GDPGP1: variants seen among roughly 807,000 people sequenced by gnomAD.
GDPGP1 encodes GDP-D-glucose phosphorylase 1.
In GDPGP1, 18 loss-of-function variants were observed where a neutral mutation model predicts 19.2. The observed-to-expected ratio is 0.94, with a 90% CI of 0.65 to 1.39. The LOEUF is 1.39. Among genes scored for constraint, GDPGP1 ranks in the 40% most tolerant of loss-of-function variants. The probability of loss-of-function intolerance (pLI) is 0.00; values close to 1 mark genes in which losing one functional copy is unlikely to be tolerated. For missense variants in GDPGP1, 449 were observed against 490.5 expected, an observed-to-expected ratio of 0.92 and a Z score of 0.80; for synonymous variants, 219 against 208.9, an observed-to-expected ratio of 1.05 and a Z score of -0.42.
At position 90,243,472 on chromosome 15, in the gene GDPGP1, G is replaced by C. The variant is rs1283006013; in HGVS notation, c.*1406G>C. 5 of 150,430 alleles carry C rather than the reference G, an allele frequency of 3.3e-5. No homozygotes were observed. The highest frequency in any genetic ancestry group is 1.2e-4 in the African/African-American group (5 of 40,786). The allele number at this position is 150,430 out of a possible 1,614,324, so 9.3% of individuals were successfully genotyped here. A position where few individuals can be genotyped will look rare whatever the true frequency, so the allele number is the denominator to read the frequency against. On this transcript the variant is annotated 3_prime_UTR_variant, in exon 4 of 4. Coordinates refer to ENST00000329600, the MANE Select transcript of GDPGP1 (RefSeq NM_001013657.3). Reference sequence around the variant, plus strand: ...AGCCACCCTCCCACCTCAGCCCCCTGAGTAGCTGGGACGATAGGTGTGCAC... The same window carrying C: ...AGCCACCCTCCCACCTCAGCCCCCTCAGTAGCTGGGACGATAGGTGTGCAC...
At position 90,242,138 on chromosome 15, in the gene GDPGP1, A is replaced by T; in HGVS notation, c.*72A>T. ...GGGTCTCACTCTGTCCCCAGGCTAG[A>T]GTGTAGTGGTATGATCCTGGCTCAC... On this transcript the variant is annotated 3_prime_UTR_variant, in exon 4 of 4. Coordinates refer to ENST00000329600, the MANE Select transcript of GDPGP1 (RefSeq NM_001013657.3). The T allele has an allele frequency of 8.0e-7, 1 of 1,256,758 alleles. No homozygotes were observed. The highest frequency in any genetic ancestry group is 2.5e-5 in the Admixed American group (1 of 40,442). The allele number at this position is 1,256,758 out of a possible 1,614,324, so 77.9% of individuals were successfully genotyped here. A position where few individuals can be genotyped will look rare whatever the true frequency, so the allele number is the denominator to read the frequency against.
rs1432785781 is a variant in GDPGP1, at chr15:90,242,713, C to G, written c.*647C>G. 2 of 152,550 alleles carry G rather than the reference C, an allele frequency of 1.3e-5. No homozygotes were observed. Among genetic ancestry groups the G allele is most frequent in the Admixed American group, 1.3e-4 (2 of 15,276 alleles). The allele number at this position is 152,550 out of a possible 1,614,324, so 9.4% of individuals were successfully genotyped here. A position where few individuals can be genotyped will look rare whatever the true frequency, so the allele number is the denominator to read the frequency against. On this transcript the variant is annotated 3_prime_UTR_variant, in exon 4 of 4. Coordinates refer to ENST00000329600, the MANE Select transcript of GDPGP1 (RefSeq NM_001013657.3). ...CCGCCCGCCTCGGCCTCCCAAAGTG[C>G]TGGGATTACAGGCGTGAGCCACCAC...
In GDPGP1 at chr15:90,241,291, A is replaced by T. The variant is rs756394524; in HGVS notation, c.383A>T (p.Lys128Met). The change falls in exon 4 of 4, where the codon AAG (lysine) becomes ATG (methionine). Residue 128 changes from lysine to methionine, a missense_variant. Coordinates refer to ENST00000329600, the MANE Select transcript of GDPGP1 (RefSeq NM_001013657.3). ...GACCCTGTACAGTTCAACTTCAACA[A>T]GATCCGGCCCGGAGAAGTCCTCTTC... The part of the protein sequence containing the change: ...AFDPVQFNFN[K>M]IRPGEVLFRL... 1.2e-6 allele frequency: 2 copies of T among 1,614,180 alleles called. No individual in the cohort carries two copies. Among genetic ancestry groups the T allele is most frequent in the South Asian group, 1.1e-5 (1 of 91,078 alleles).
intron 3 of GDPGP1, among the ~76,000 whole-genome samples, chr15:90,238,967 T>C (rs1962690753): frequency 6.6e-6 from 1 of 152,158 alleles, no homozygotes; most frequent in Non-Finnish European, 1.5e-5. Context: ...ACCTGAGCCA[T>C]GGACCTACTC....
intron 3 of GDPGP1, among the ~76,000 whole-genome samples, chr15:90,238,833 A>G (rs1194047763): frequency 2.0e-5 from 3 of 152,102 alleles, no homozygotes; most frequent in African/African-American, 7.2e-5. Flanking sequence ...CTCAGGTATG[A>G]TTTTCTGGAG....
chr15:90,243,830 T>C lies in GDPGP1; in HGVS notation c.*1764T>C, dbSNP rs34648976. 0.25 allele frequency: 37,327 copies of C among 150,576 alleles called. 6,605 individuals carry two copies. The highest frequency in any genetic ancestry group is 0.5 in the African/African-American group (20,529 of 40,836). The allele number at this position is 150,576 out of a possible 1,614,324, so 9.3% of individuals were successfully genotyped here. A position where few individuals can be genotyped will look rare whatever the true frequency, so the allele number is the denominator to read the frequency against. Reference sequence around the variant, plus strand: ...ACACCCGGCTATTTTTTTGGAGAGATAGCATCTTGCCAAGTTGCCCAGGCT... The same window carrying C: ...ACACCCGGCTATTTTTTTGGAGAGACAGCATCTTGCCAAGTTGCCCAGGCT... On this transcript the variant is annotated 3_prime_UTR_variant, in exon 4 of 4. Coordinates refer to ENST00000329600, the MANE Select transcript of GDPGP1 (RefSeq NM_001013657.3).
At position 90,242,121 on chromosome 15, in the gene GDPGP1, C is replaced by A. The variant is rs1962776897; in HGVS notation, c.*55C>A. On this transcript the variant is annotated 3_prime_UTR_variant, in exon 4 of 4. Coordinates refer to ENST00000329600, the MANE Select transcript of GDPGP1 (RefSeq NM_001013657.3). The stretch of plus-strand genomic sequence containing the variant: ...TCTTTTCTTTTGAGATAGGGTCTCA[C>A]TCTGTCCCCAGGCTAGAGTGTAGTG... The A allele has an allele frequency of 3.5e-6, 5 of 1,415,164 alleles. No individual in the cohort carries two copies. The highest frequency in any genetic ancestry group is 4.8e-6 in the Non-Finnish European group (5 of 1,036,336). 87.7% of individuals were successfully genotyped at this position (1,415,164 alleles called of 1,614,324 possible). A position where few individuals can be genotyped will look rare whatever the true frequency, so the allele number is the denominator to read the frequency against.
chr15:90,238,899 A>C (rs1385521397), intron 3 of GDPGP1, among the ~76,000 whole-genome samples: 2 of 152,306 alleles, frequency 1.3e-5, no homozygotes, highest in South Asian at 2.1e-4. Flanking sequence ...AGACCACCTG[A>C]ACAGCATAGC....
Position 90,234,252 on chromosome 15 carries a change from G to T in GDPGP1, c.-182G>T, listed in dbSNP as rs564860795. On this transcript the variant is annotated 5_prime_UTR_variant, in exon 1 of 4. Coordinates refer to ENST00000329600, the MANE Select transcript of GDPGP1 (RefSeq NM_001013657.3). The stretch of plus-strand genomic sequence containing the variant: ...ATGACCTCGCTGTGGCCCCGGCAGC[G>T]GCTGCGGGGAAAGTCGCGAGGTGCA... 1.4e-3 allele frequency: 317 copies of T among 221,106 alleles called. 1 individual carries two copies. The highest frequency in any genetic ancestry group is 6.7e-3 in the African/African-American group (296 of 43,910). The allele number at this position is 221,106 out of a possible 1,614,324, so 13.7% of individuals were successfully genotyped here. A position where few individuals can be genotyped will look rare whatever the true frequency, so the allele number is the denominator to read the frequency against.
Position 90,241,432 on chromosome 15 carries a change from G to C in GDPGP1, c.524G>C (p.Arg175Pro), listed in dbSNP as rs543564025. The C allele has an allele frequency of 1.2e-6, 2 of 1,613,448 alleles. No homozygotes were observed. The highest frequency in any genetic ancestry group is 2.2e-5 in the East Asian group (1 of 44,874). ...GHVLLVPEPA[R>P]QLPQRLLPGA... is the part of the protein sequence containing the mutation. ...GTGCTGCTGGTGCCTGAGCCTGCCC[G>C]CCAGCTCCCCCAGCGCCTGCTGCCG... Residue 175 changes from arginine to proline, a missense_variant, in exon 4 of 4, where the codon CGC (arginine) becomes CCC (proline). Transcript: ENST00000329600.
chr15:90,235,441 G>C (rs935635910), intron 2 of GDPGP1, among the ~76,000 whole-genome samples: 3 of 152,018 alleles, frequency 2.0e-5, no homozygotes, highest in Non-Finnish European at 1.5e-5. Flanking sequence ...TTAAACCTGG[G>C]AGCTGGAGGT....
chr15:90,236,258 G>A (rs1465244362), intron 2 of GDPGP1: 7 of 152,132 alleles, frequency 4.6e-5, no homozygotes, highest in South Asian at 2.1e-4. Flanking sequence ...GGCTTGTCTC[G>A]AACTCCCAAC....
rs192547164 is a variant in GDPGP1 at position 90,239,291 on chromosome 15, A to G, written c.-10+743A>G. Among the ~76,000 whole-genome samples, 458 of 145,998 alleles carry G rather than the reference A, an allele frequency of 3.1e-3. 4 individuals are homozygous for G. Among genetic ancestry groups the G allele is most frequent in the African/African-American group, 0.011 (442 of 38,858 alleles). ...TTTAGAAAGAAAAAATAGTTGATCTATATGAGACATAAAATGTGTGTGTGT... is the reference window on the plus strand; with the variant it reads ...TTTAGAAAGAAAAAATAGTTGATCTGTATGAGACATAAAATGTGTGTGTGT... On this transcript the variant is annotated intron_variant, in intron 3 of 3. Transcript: ENST00000329600.
rs10152994 is a variant in GDPGP1 at position 90,241,698 on chromosome 15, C to T, written c.790C>T (p.Pro264Ser). Reference sequence around the variant, plus strand: ...CCTCTTTTACACTCGTGGGCCAGGGCCTGACTTGGAGTCCTTGATAAGCAG... The same window carrying T: ...CCTCTTTTACACTCGTGGGCCAGGGTCTGACTTGGAGTCCTTGATAAGCAG... ...GFLFYTRGPGPDLESLISRVC... is the reference protein window; with the variant it reads ...GFLFYTRGPGSDLESLISRVC... Residue 264 changes from proline (P) to serine (S), a missense_variant, in exon 4 of 4, where the codon CCT (proline) becomes TCT (serine). By Grantham distance (74) the Pro-to-Ser change is moderately conservative (BLOSUM62 -1). Coordinates refer to ENST00000329600, the MANE Select transcript of GDPGP1 (RefSeq NM_001013657.3). 1 of 1,614,044 alleles carries T rather than the reference C, an allele frequency of 6.2e-7. No homozygotes were observed. The highest frequency in any genetic ancestry group is 2.2e-5 in the East Asian group (1 of 44,884).
intron 2 of GDPGP1, among the ~76,000 whole-genome samples, chr15:90,235,281 C>T (rs1406333165): frequency 1.3e-5 from 2 of 152,152 alleles, no homozygotes; most frequent in Non-Finnish European, 1.5e-5. Context: ...TAGAAATATT[C>T]AAGGCCAGGC....
Position 90,245,472 on chromosome 15 carries a change from CAAAAAAAAA to C in GDPGP1, c.*3413_*3421del, listed in dbSNP as rs72402246. The C allele has an allele frequency of 4.9e-5, 6 of 122,782 alleles. No homozygotes were observed. The East Asian group carries it at 1.4e-3, about 29-fold the overall frequency. The allele number at this position is 122,782 out of a possible 1,614,324, so 7.6% of individuals were successfully genotyped here. On this transcript the variant is annotated 3_prime_UTR_variant, in exon 4 of 4. Transcript: ENST00000329600. ...TGGGCGGCAGAGAGAGACTTTGTCTCAAAAAAAAAAAAAAAGAAAAAAACAGTTTACCAT... is the reference window on the plus strand; with the variant it reads ...TGGGCGGCAGAGAGAGACTTTGTCTCAAAAAAGAAAAAAACAGTTTACCAT...
At chr15:90,239,947 G>T (rs1417297794) in intron 3 of GDPGP1, among the ~76,000 whole-genome samples, 1 of 152,044 alleles carries the variant, frequency 6.6e-6, no homozygotes, top group African/African-American at 2.4e-5. Flanking sequence ...GCCGTGGCTG[G>T]GCGCAGTGGC....
intron 2 of GDPGP1, among the ~76,000 whole-genome samples, chr15:90,235,439 G>A (rs2151637716): frequency 6.6e-6 from 1 of 152,212 alleles, no homozygotes; most frequent in Admixed American, 6.5e-5. Flanking sequence ...GGTTAAACCT[G>A]GGAGCTGGAG....
chr15:90,239,886 C>A (rs1962714038), intron 3 of GDPGP1, among the ~76,000 whole-genome samples: 2 of 152,114 alleles, frequency 1.3e-5, no homozygotes, highest in Admixed American at 1.3e-4. Flanking sequence ...GTATGCACCA[C>A]TGCACTCCTG....
Sources: allele counts gnomAD v4.1 joint callset (sites outside exome capture counted in the v4.1 genomes callset), GRCh38; gene constraint gnomAD v4.1.1; transcripts MANE v1.5; gene names NCBI Gene and HGNC (gene_info 2026-07-23, HGNC 2026-07-21).